NRP2: variants seen among roughly 807,000 people sequenced by gnomAD.
NRP2 encodes the protein neuropilin-2.
A neutral mutation model predicts 110.4 loss-of-function variants in NRP2; 52 were observed. That is an observed-to-expected ratio of 0.47 (90% CI 0.38 to 0.59). The LOEUF (loss-of-function observed/expected upper bound fraction) is 0.59, where lower values mean the gene tolerates loss of function less well. Ranked by LOEUF, NRP2 falls within the 20% of genes least tolerant of loss-of-function variation. The pLI, the probability that NRP2 is intolerant of heterozygous loss-of-function variation, is 0.00. For synonymous variants in NRP2, 508 were observed against 468.9 expected, an observed-to-expected ratio of 1.08 and a Z score of -1.08; for missense variants, 1,049 against 1,203.0, an observed-to-expected ratio of 0.87 and a Z score of 1.89.
intron 9 of NRP2, among the ~76,000 whole-genome samples, chr2:205,744,773 T>C (rs2057507178): frequency 6.6e-6 from 1 of 152,176 alleles, no homozygotes; most frequent in African/African-American, 2.4e-5. Flanking sequence ...GATGCTGAGG[T>C]AAACTCCCAG....
At chr2:205,774,782 C>T (rs188657075) in intron 15 of NRP2, among the ~76,000 whole-genome samples, 1 of 152,306 alleles carries the variant, frequency 6.6e-6, no homozygotes, top group Non-Finnish European at 1.5e-5. Context: ...AGAACACAGA[C>T]TCAGAAATAG....
intron 2 of NRP2, chr2:205,700,632 T>C: frequency 2.0e-6 from 1 of 496,830 alleles, no homozygotes; most frequent in Middle Eastern, 3.2e-4. Context: ...ATCCCAAAGG[T>C]TGAGACGGTT....
chr2:205,793,013 C>G (rs1444026685), intron 16 of NRP2, among the ~76,000 whole-genome samples: 1 of 152,184 alleles, frequency 6.6e-6, no homozygotes, highest in African/African-American at 2.4e-5. Context: ...TTAAGAGGAA[C>G]AGTTTATAGA....
At chr2:205,775,989 C>T (rs2058090735) in intron 15 of NRP2, among the ~76,000 whole-genome samples, 1 of 152,190 alleles carries the variant, frequency 6.6e-6, no homozygotes, top group Admixed American at 6.5e-5. Flanking sequence ...AACCACTTAA[C>T]TTAACCTCTC....
Position 205,778,970 on chromosome 2 carries a change from C to G in NRP2, c.2425+12167C>G, listed in dbSNP as rs576904868. ...TCCAGGTACTGTGCTAAAAGGTCAGCTCTTCTGTAAAATGCCATGCTTCGC... is the reference window on the plus strand; with the variant it reads ...TCCAGGTACTGTGCTAAAAGGTCAGGTCTTCTGTAAAATGCCATGCTTCGC... On this transcript the variant is annotated intron_variant, in intron 15 of 16. Transcript: ENST00000357785. 4.6e-5 allele frequency: 7 copies of G among 152,348 alleles called. No homozygotes were observed. In the East Asian group the frequency reaches 1.3e-3, roughly 29 times the overall value. 9.4% of individuals were successfully genotyped at this position (152,348 alleles called of 1,614,324 possible).
At chr2:205,758,967 C>T (rs1478553504) in intron 12 of NRP2, among the ~76,000 whole-genome samples, 1 of 152,140 alleles carries the variant, frequency 6.6e-6, no homozygotes, top group Non-Finnish European at 1.5e-5. Context: ...AATCAGTAGC[C>T]ACTGTATACC....
chr2:205,770,483 C>A (rs529786759), intron 15 of NRP2, among the ~76,000 whole-genome samples: 1 of 152,232 alleles, frequency 6.6e-6, no homozygotes, highest in South Asian at 2.1e-4. Flanking sequence ...GCATTTTGCA[C>A]CCCCTTCTCT....
At chr2:205,733,219 A>G (rs974159974) in intron 7 of NRP2, among the ~76,000 whole-genome samples, 1 of 152,164 alleles carries the variant, frequency 6.6e-6, no homozygotes, top group Non-Finnish European at 1.5e-5. Flanking sequence ...CCTTTTCTCT[A>G]TCAGGCTCCC....
Position 205,716,095 on chromosome 2 carries a change from C to A in NRP2, c.252-98C>A, listed in dbSNP as rs187186781. 9.7e-4 allele frequency: 1,276 copies of A among 1,318,946 alleles called. 4 individuals carry two copies. The highest frequency in any genetic ancestry group is 8.0e-4 in the Non-Finnish European group (733 of 915,858). 81.7% of individuals were successfully genotyped at this position (1,318,946 alleles called of 1,614,324 possible). ...CGCTTATCCATCTGAAACACCTTAA[C>A]TTCTGCAAATGAATAGAGAGACATA... On this transcript the variant is annotated intron_variant, in intron 2 of 16. Transcript: ENST00000357785.
intron 15 of NRP2, among the ~76,000 whole-genome samples, chr2:205,789,915 T>G (rs2058279628): frequency 1.3e-5 from 2 of 152,240 alleles, no homozygotes; most frequent in Non-Finnish European, 2.9e-5. Context: ...GCAAGGGGAC[T>G]AGAGAAAATT....
chr2:205,783,379 C>T (rs965698076), intron 15 of NRP2, among the ~76,000 whole-genome samples: 2 of 152,158 alleles, frequency 1.3e-5, no homozygotes, highest in Non-Finnish European at 2.9e-5. Context: ...CAAAGAATGC[C>T]TGTGCTGTGC....
In NRP2 at chr2:205,725,751, A is replaced by C. The variant is rs929036406; in HGVS notation, c.821-162A>C. ...AGACCCAGAGGGGTTGTCAAGCTCC[A>C]TGACTTGATGTAGTTGTTTTTAAAA... On this transcript the variant is annotated intron_variant, in intron 5 of 16. Transcript: ENST00000357785. This position sits in a 1 kb window ranked among gnomAD's most constrained non-coding sequence, Gnocchi z 4.1. 1.3e-5 allele frequency among the ~76,000 whole-genome samples: 2 copies of C among 152,228 alleles called. No homozygotes were observed. Among genetic ancestry groups the C allele is most frequent in the African/African-American group, 4.8e-5 (2 of 41,452 alleles).
chr2:205,710,158 C>G (rs1016355598), intron 2 of NRP2, among the ~76,000 whole-genome samples: 17 of 152,184 alleles, frequency 1.1e-4, no homozygotes, highest in Non-Finnish European at 1.5e-5. Flanking sequence ...ACACCTGGTA[C>G]CTGCTAATGC....
intron 2 of NRP2, among the ~76,000 whole-genome samples, chr2:205,710,576 C>T (rs1284628339): frequency 1.3e-5 from 2 of 152,250 alleles, no homozygotes; most frequent in East Asian, 1.9e-4. Context: ...AGTGAGCTGA[C>T]TTCTCCATAA....
At chr2:205,721,803 C>A (rs2057018240) in intron 3 of NRP2, among the ~76,000 whole-genome samples, 1 of 152,210 alleles carries the variant, frequency 6.6e-6, no homozygotes, top group Non-Finnish European at 1.5e-5. Flanking sequence ...CGGCCTTTAA[C>A]ATCCCCAACG....
intron 10 of NRP2, among the ~76,000 whole-genome samples, chr2:205,746,256 G>C (rs971144455): frequency 1.3e-5 from 2 of 152,180 alleles, no homozygotes; most frequent in Admixed American, 1.3e-4. Flanking sequence ...TAAAGTAATC[G>C]GTTTATGTCT....
At chr2:205,769,762 A>G (rs2057989694) in intron 15 of NRP2, among the ~76,000 whole-genome samples, 1 of 152,122 alleles carries the variant, frequency 6.6e-6, no homozygotes, top group Non-Finnish European at 1.5e-5. Context: ...GGCTATAAAC[A>G]TGGTGCCGTC....
chr2:205,695,105 A>G (rs146344115), intron 1 of NRP2, among the ~76,000 whole-genome samples: 120 of 152,296 alleles, frequency 7.9e-4, no homozygotes, highest in African/African-American at 2.8e-3. Flanking sequence ...TAAATTTGTA[A>G]GTATTGAAAA....
At chr2:205,750,374 T>G (rs1240379392) in intron 11 of NRP2, among the ~76,000 whole-genome samples, 1 of 152,200 alleles carries the variant, frequency 6.6e-6, no homozygotes, top group Non-Finnish European at 1.5e-5. Context: ...GTGATGATTC[T>G]ATAAGATAGT....
Sources: gnomAD v4.1 joint callset for allele counts (sites outside exome capture counted in the v4.1 genomes callset) on GRCh38, gnomAD v4.1.1 for gene constraint, Gnocchi (gnomAD v3.1) non-coding constraint, MANE v1.5 for transcripts, NCBI Gene and HGNC (gene_info 2026-07-23, HGNC 2026-07-21) for gene names.